ZFHX3: variants seen among roughly 807,000 people sequenced by gnomAD.
The protein encoded by ZFHX3 is zinc finger homeobox protein 3.
Under a neutral mutation model 279.1 loss-of-function variants are expected in ZFHX3, and 42 were observed. The observed-to-expected ratio is 0.15, with a 90% CI of 0.12 to 0.19. ZFHX3 has a LOEUF of 0.19. Ranked by LOEUF, ZFHX3 falls within the 10% of genes least tolerant of loss-of-function variation. ZFHX3 has a pLI of 1.00. For synonymous variants in ZFHX3, 2,293 were observed against 1,957.8 expected (o/e 1.17, Z -4.52); for missense variants, 4,981 against 4,754.0 (o/e 1.05, Z -1.40).
intron 3 of ZFHX3, among the ~76,000 whole-genome samples, chr16:73,387,741 A>G (rs1567468401): frequency 6.6e-6 from 1 of 152,234 alleles, no homozygotes; most frequent in East Asian, 1.9e-4. Flanking sequence ...ATTTAGAACC[A>G]TGTATAGTAA....
In ZFHX3 at chr16:73,470,449, C is replaced by A. The variant is rs79643917; in HGVS notation, c.-1546-14191G>T. ...GTCCCATGTTGAGCACAGCAGAAAG[C>A]ACACCACTAGTGCTTAACACAGCTT... On this transcript the variant is annotated intron_variant, in intron 2 of 17. Transcript: ENST00000641206. Among the ~76,000 whole-genome samples the A allele has an allele frequency of 9.4e-3, 1,431 of 152,246 alleles. 17 individuals are homozygous for A. The highest frequency in any genetic ancestry group is 0.033 in the African/African-American group (1,375 of 41,534).
intron 1 of ZFHX3, among the ~76,000 whole-genome samples, chr16:73,008,410 T>A (rs1253807335): frequency 1.3e-5 from 2 of 152,120 alleles, no homozygotes; most frequent in Non-Finnish European, 2.9e-5. Context: ...AAAACATCTC[T>A]GAAAGGAGAT....
At chr16:73,109,733 C>T (rs1424550866) in intron 7 of ZFHX3, among the ~76,000 whole-genome samples, 1 of 152,098 alleles carries the variant, frequency 6.6e-6, no homozygotes, top group African/African-American at 2.4e-5. Flanking sequence ...CCTGTAGTCC[C>T]AGCTACTTGG....
At chr16:73,763,849 G>A (rs1016587456) in intron 1 of ZFHX3, among the ~76,000 whole-genome samples, 2 of 149,992 alleles carry the variant, frequency 1.3e-5, no homozygotes, top group African/African-American at 4.9e-5. Context: ...CTCCCTTGCT[G>A]GCTTCGAAGA....
intron 3 of ZFHX3, among the ~76,000 whole-genome samples, chr16:73,327,172 T>C (rs1229840412): frequency 6.6e-6 from 1 of 152,250 alleles, no homozygotes; most frequent in Non-Finnish European, 1.5e-5. Context: ...AGAAGCCTTT[T>C]GGCTTACTTG....
intron 1 of ZFHX3, among the ~76,000 whole-genome samples, chr16:73,034,689 A>G (rs989905045): frequency 6.6e-6 from 1 of 152,232 alleles, no homozygotes; most frequent in African/African-American, 2.4e-5. Context: ...TAGCACTCAC[A>G]GGAATGAATG....
intron 3 of ZFHX3, among the ~76,000 whole-genome samples, chr16:73,428,864 C>T (rs995898101): frequency 1.3e-5 from 2 of 152,148 alleles, no homozygotes; most frequent in African/African-American, 2.4e-5. Flanking sequence ...ACTGTCTTCT[C>T]TATTGCGTTC....
chr16:72,984,398 G>A (rs556843640), intron 1 of ZFHX3, among the ~76,000 whole-genome samples: 1 of 152,222 alleles, frequency 6.6e-6, no homozygotes, highest in Non-Finnish European at 1.5e-5. Flanking sequence ...AGGCTGAGGT[G>A]GGAGGATCAC....
chr16:72,842,414 T>C (rs986127237), intron 4 of ZFHX3, among the ~76,000 whole-genome samples: 1 of 151,932 alleles, frequency 6.6e-6, no homozygotes, highest in Non-Finnish European at 1.5e-5. Flanking sequence ...ATACAGAAAC[T>C]GGACAGTGAG....
At chr16:72,826,084 T>C (rs1048402462) in intron 5 of ZFHX3, among the ~76,000 whole-genome samples, 9 of 152,088 alleles carry the variant, frequency 5.9e-5, no homozygotes, top group Non-Finnish European at 7.4e-5. Flanking sequence ...TCGCATGGGG[T>C]AGGGACTCAG....
At chr16:72,879,904 C>T (rs1435707048) in intron 4 of ZFHX3, among the ~76,000 whole-genome samples, 2 of 152,156 alleles carry the variant, frequency 1.3e-5, no homozygotes, top group Admixed American at 6.5e-5. Flanking sequence ...AAGAAGGTTT[C>T]GGTGAGGGCT....
At chr16:72,927,269 T>G (rs1456269950) in intron 3 of ZFHX3, among the ~76,000 whole-genome samples, 5 of 152,132 alleles carry the variant, frequency 3.3e-5, no homozygotes, top group Non-Finnish European at 5.9e-5. Context: ...CACCAATGAG[T>G]CTTCTCCCTG....
At chr16:73,153,731 C>A (rs1267717958) in intron 5 of ZFHX3, among the ~76,000 whole-genome samples, 1 of 151,936 alleles carries the variant, frequency 6.6e-6, no homozygotes, top group Admixed American at 6.6e-5. Flanking sequence ...TTCACTGCAA[C>A]CTCCACCTCC....
chr16:73,365,295 G>A (rs2016511413), intron 3 of ZFHX3, among the ~76,000 whole-genome samples: 1 of 152,196 alleles, frequency 6.6e-6, no homozygotes, highest in African/African-American at 2.4e-5. Context: ...CAGGCAACAG[G>A]AGGGGATGCA....
chr16:73,831,789 G>A (rs545857256), intron 1 of ZFHX3, among the ~76,000 whole-genome samples: 1 of 152,352 alleles, frequency 6.6e-6, no homozygotes, highest in East Asian at 1.9e-4. Context: ...AAGGGGCGGA[G>A]GAAGTTCACC....
chr16:73,057,441 T>C (rs1965580543), intron 1 of ZFHX3, among the ~76,000 whole-genome samples: 2 of 150,054 alleles, frequency 1.3e-5, no homozygotes, highest in African/African-American at 2.5e-5. Context: ...AAATGCATAA[T>C]GTAAAATTCA....
At chr16:73,483,934 T>G (rs996898689) in intron 2 of ZFHX3, among the ~76,000 whole-genome samples, 8 of 143,336 alleles carry the variant, frequency 5.6e-5, no homozygotes, top group Non-Finnish European at 6.0e-5. Flanking sequence ...GCCTTTGTTT[T>G]TTTTTTTTTT....
intron 3 of ZFHX3, among the ~76,000 whole-genome samples, chr16:73,327,711 T>C (rs765319820): frequency 6.6e-6 from 1 of 152,254 alleles, no homozygotes; most frequent in Non-Finnish European, 1.5e-5. Context: ...CCCAGCAGGC[T>C]GGAGTGTCAT....
intron 2 of ZFHX3, among the ~76,000 whole-genome samples, chr16:73,594,036 C>G (rs1279113950): frequency 1.3e-5 from 2 of 152,082 alleles, no homozygotes; most frequent in African/African-American, 4.8e-5. Flanking sequence ...GAGGTCACAG[C>G]CACTGCAAGA....
Sources: gnomAD v4.1 joint callset for allele counts (sites outside exome capture counted in the v4.1 genomes callset) on GRCh38, gnomAD v4.1.1 for gene constraint, MANE v1.5 for transcripts, NCBI Gene and HGNC (gene_info 2026-07-23, HGNC 2026-07-21) for gene names.